Variants in RARB observed in about 807,000 individuals in gnomAD.
The protein encoded by RARB is HBV-activated protein.
Under a neutral mutation model 51.9 loss-of-function variants are expected in RARB, and 17 were observed. The observed-to-expected ratio is 0.33, with a 90% CI of 0.22 to 0.49. The LOEUF (loss-of-function observed/expected upper bound fraction) is 0.49, where lower values mean the gene tolerates loss of function less well. RARB is among the 20% of genes least tolerant of loss of function. The probability of loss-of-function intolerance (pLI) is 0.99; values close to 1 mark genes in which losing one functional copy is unlikely to be tolerated. For missense variants in RARB, 369 were observed against 550.8 expected (o/e 0.67, Z 3.30); for synonymous variants, 215 against 195.4 (o/e 1.10, Z -0.84).
At chr3:25,567,726 C>G (rs1700556210) in intron 3 of RARB, among the ~76,000 whole-genome samples, 1 of 152,180 alleles carries the variant, frequency 6.6e-6, no homozygotes, top group Non-Finnish European at 1.5e-5. Flanking sequence ...CTGCCGAGTA[C>G]TCTTCCTCGG....
chr3:24,981,638 G>C (rs888007314), intron 2 of RARB, among the ~76,000 whole-genome samples: 1 of 152,138 alleles, frequency 6.6e-6, no homozygotes. Context: ...AAGACCATGG[G>C]AAAAGCATAG....
intron 5 of RARB, among the ~76,000 whole-genome samples, chr3:25,242,829 T>TTCCA (rs1385772366): frequency 6.6e-6 from 1 of 152,216 alleles, no homozygotes; most frequent in African/African-American, 2.4e-5. Context: ...AAGAAGTTTT[T>TTCCA]TCCAATTTTA....
At chr3:25,361,893 G>A (rs542601425) in intron 5 of RARB, among the ~76,000 whole-genome samples, 2 of 152,230 alleles carry the variant, frequency 1.3e-5, no homozygotes, top group South Asian at 2.1e-4. Flanking sequence ...CCAGCTGGAG[G>A]TGTCCTGTTT....
chr3:25,107,760 G>T (rs1575163810), intron 3 of RARB, among the ~76,000 whole-genome samples: 1 of 152,176 alleles, frequency 6.6e-6, no homozygotes, highest in East Asian at 1.9e-4. Flanking sequence ...ATCACAAATT[G>T]TGACTAACTT....
intron 2 of RARB, among the ~76,000 whole-genome samples, chr3:24,970,838 T>A (rs1035320090): frequency 6.6e-6 from 1 of 152,026 alleles, no homozygotes; most frequent in African/African-American, 2.4e-5. Context: ...TTCCAAGTCA[T>A]GAGAATAGAA....
intron 3 of RARB, among the ~76,000 whole-genome samples, chr3:25,063,180 C>G (rs1463229491): frequency 6.6e-6 from 1 of 151,944 alleles, no homozygotes; most frequent in African/African-American, 2.4e-5. Flanking sequence ...CCAGCAAATA[C>G]AATAGAATCT....
intron 3 of RARB, among the ~76,000 whole-genome samples, chr3:25,121,116 A>G (rs1699777343): frequency 6.6e-6 from 1 of 152,114 alleles, no homozygotes; most frequent in Admixed American, 6.6e-5. Flanking sequence ...GAAGAAGGGG[A>G]AGGATCACTA....
chr3:25,157,703 A>G (rs1700402423), intron 4 of RARB, among the ~76,000 whole-genome samples: 1 of 152,094 alleles, frequency 6.6e-6, no homozygotes. Flanking sequence ...AGCCCTAAGT[A>G]TCTATATTAA....
At chr3:25,570,194 T>C (rs1243967527) in intron 4 of RARB, among the ~76,000 whole-genome samples, 1 of 152,234 alleles carries the variant, frequency 6.6e-6, no homozygotes, top group Non-Finnish European at 1.5e-5. Flanking sequence ...GAGTATTTGC[T>C]ATACGACAGG....
chr3:25,252,965 G>T (rs1001640883), intron 5 of RARB, among the ~76,000 whole-genome samples: 40 of 152,094 alleles, frequency 2.6e-4, no homozygotes, highest in African/African-American at 9.7e-4. Context: ...GAAGGGGAGG[G>T]TAATATGCAC....
Position 25,428,542 on chromosome 3 carries a change from A to T in RARB, c.-190A>T, listed in dbSNP as rs755574145. On this transcript the variant is annotated 5_prime_UTR_variant, in exon 1 of 8. Transcript: ENST00000330688. ...CAAGCCTGGAAAATGGTAAATGATC[A>T]TTTGGATCAATTACAGGCTTTTAGC... 26 of 1,280,794 alleles carry T rather than the reference A, an allele frequency of 2.0e-5. No individual in the cohort carries two copies. Among genetic ancestry groups the T allele is most frequent in the Admixed American group, 3.7e-5 (1 of 27,258 alleles). The allele number at this position is 1,280,794 out of a possible 1,614,324, so 79.3% of individuals were successfully genotyped here.
intron 3 of RARB, among the ~76,000 whole-genome samples, chr3:25,063,950 C>T (rs1172724029): frequency 2.6e-5 from 4 of 151,960 alleles, no homozygotes; most frequent in African/African-American, 4.8e-5. Context: ...ATGCCAGATT[C>T]GAATGATCTC....
intron 2 of RARB, among the ~76,000 whole-genome samples, chr3:25,018,576 G>A (rs1445601226): frequency 1.3e-5 from 2 of 152,182 alleles, no homozygotes; most frequent in African/African-American, 4.8e-5. Flanking sequence ...ACTGTTAAAA[G>A]AAATTGACTC....
chr3:24,843,389 A>T (rs1011053464), intron 1 of RARB, among the ~76,000 whole-genome samples: 1 of 152,108 alleles, frequency 6.6e-6, no homozygotes, highest in African/African-American at 2.4e-5. Context: ...TAGCTGTGGG[A>T]CCTCAGAAAA....
At chr3:25,214,275 G>A (rs890180733) in intron 5 of RARB, among the ~76,000 whole-genome samples, 2 of 152,194 alleles carry the variant, frequency 1.3e-5, no homozygotes, top group Non-Finnish European at 2.9e-5. Flanking sequence ...CTGGGTAAGA[G>A]AAGTTCTCTT....
At chr3:25,010,339 A>G (rs565772095) in intron 2 of RARB, among the ~76,000 whole-genome samples, 13 of 152,272 alleles carry the variant, frequency 8.5e-5, no homozygotes, top group African/African-American at 2.6e-4. Context: ...CTAAATCAGA[A>G]TGTAAAGAAT....
At chr3:25,159,782 C>G (rs1241834781) in intron 4 of RARB, among the ~76,000 whole-genome samples, 1 of 152,106 alleles carries the variant, frequency 6.6e-6, no homozygotes, top group Non-Finnish European at 1.5e-5. Flanking sequence ...ATTGGGATAA[C>G]TTAAAATGTC....
chr3:25,395,558 T>G (rs1307767393), intron 5 of RARB, among the ~76,000 whole-genome samples: 2 of 152,210 alleles, frequency 1.3e-5, no homozygotes, highest in East Asian at 3.8e-4. Context: ...TTTGGTTGTT[T>G]AACATAATCC....
intron 4 of RARB, among the ~76,000 whole-genome samples, chr3:25,155,366 T>G (rs1378388590): frequency 1.3e-5 from 2 of 152,220 alleles, no homozygotes; most frequent in East Asian, 3.9e-4. Context: ...CTTGTTAGAT[T>G]GTGGGCAGGG....
Sources: gnomAD v4.1 joint callset for allele counts (sites outside exome capture counted in the v4.1 genomes callset) on GRCh38, gnomAD v4.1.1 for gene constraint, MANE v1.5 for transcripts, NCBI Gene and HGNC (gene_info 2026-07-23, HGNC 2026-07-21) for gene names.